TANC1: variants seen among roughly 807,000 people sequenced by gnomAD.
The protein encoded by TANC1 is protein TANC1.
TANC1 carries 77 observed loss-of-function variants against 149.7 expected under a neutral mutation model. That is an observed-to-expected ratio of 0.51 (90% CI 0.43 to 0.62). The LOEUF (loss-of-function observed/expected upper bound fraction) is 0.62. TANC1 is among the 20% of genes least tolerant of loss of function. TANC1 has a pLI of 0.00. For missense variants in TANC1, 1,985 were observed against 2,321.8 expected, an observed-to-expected ratio of 0.85 and a Z score of 2.98; for synonymous variants, 854 against 925.0, an observed-to-expected ratio of 0.92 and a Z score of 1.39.
At chr2:159,073,456 C>T (rs575926274) in intron 3 of TANC1, among the ~76,000 whole-genome samples, 2 of 152,122 alleles carry the variant, frequency 1.3e-5, no homozygotes, top group Non-Finnish European at 2.9e-5. Flanking sequence ...AGATCTCCAG[C>T]AAGGCACCAC....
intron 22 of TANC1, among the ~76,000 whole-genome samples, chr2:159,222,447 C>T (rs2059765749): frequency 6.6e-6 from 1 of 152,132 alleles, no homozygotes; most frequent in South Asian, 2.1e-4. Context: ...GTTTTTTTAC[C>T]CCTTTAGATA....
chr2:159,074,223 A>G (rs2043426434), intron 3 of TANC1, among the ~76,000 whole-genome samples: 1 of 152,220 alleles, frequency 6.6e-6, no homozygotes, highest in African/African-American at 2.4e-5. Context: ...GGGTAAAGGT[A>G]AAACGAGCAA....
chr2:159,217,886 A>T (rs2059451079), intron 20 of TANC1, among the ~76,000 whole-genome samples: 2 of 152,168 alleles, frequency 1.3e-5, no homozygotes, highest in South Asian at 2.1e-4. Context: ...TCAGCTGTGG[A>T]GGGAAGTGGA....
At chr2:159,136,047 T>TGTGTGTGTGTGA in intron 4 of TANC1, 147 bp from the exon 5 acceptor site, 7 of 210,228 alleles carry the variant, frequency 3.3e-5, no homozygotes, top group East Asian at 1.3e-4. Flanking sequence ...TGTGTGTGTG[T>TGTGTGTGTGTGA]GTGCGCGCGC....
intron 7 of TANC1, among the ~76,000 whole-genome samples, chr2:159,155,537 G>T (rs2053335584): frequency 6.6e-6 from 1 of 152,198 alleles, no homozygotes; most frequent in South Asian, 2.1e-4. Context: ...CCCCAGCTGG[G>T]TGTGTCTGCC....
intron 4 of TANC1, among the ~76,000 whole-genome samples, chr2:159,101,819 T>C (rs555529717): frequency 1.4e-3 from 209 of 152,286 alleles, no homozygotes; most frequent in African/African-American, 4.9e-3. Context: ...AATCAAAACA[T>C]CATGAATGAA....
At chr2:159,157,873 A>G (rs1481881025) in intron 7 of TANC1, among the ~76,000 whole-genome samples, 1 of 152,198 alleles carries the variant, frequency 6.6e-6, no homozygotes, top group Non-Finnish European at 1.5e-5. Flanking sequence ...AGCATTCATG[A>G]TGCCTGAGGC....
intron 2 of TANC1, among the ~76,000 whole-genome samples, chr2:159,005,649 TA>T (rs1420151827): frequency 6.6e-6 from 1 of 151,820 alleles, no homozygotes; most frequent in East Asian, 1.9e-4. Flanking sequence ...TTATTAAAAA[TA>T]AATATAATTT....
At chr2:159,177,358 C>T (rs780636240) in intron 13 of TANC1, among the ~76,000 whole-genome samples, 9 of 152,030 alleles carry the variant, frequency 5.9e-5, no homozygotes, top group African/African-American at 1.2e-4. Context: ...GTGTCTTAAC[C>T]ATTGACTCCT....
intron 4 of TANC1, among the ~76,000 whole-genome samples, 153 bp from the exon 5 acceptor site, chr2:159,136,041 T>TGC (rs1267541186): frequency 8.2e-5 from 4 of 48,776 alleles, no homozygotes; most frequent in African/African-American, 2.4e-4. Flanking sequence ...TGTGTGTGTG[T>TGC]GTGTGTGTGC....
At chr2:159,131,225 C>T (rs1028635992) in intron 4 of TANC1, among the ~76,000 whole-genome samples, 33 of 152,106 alleles carry the variant, frequency 2.2e-4, no homozygotes, top group Admixed American at 2.2e-3. Flanking sequence ...TTAGCAGTTA[C>T]AAGTTTAAAA....
intron 2 of TANC1, among the ~76,000 whole-genome samples, chr2:159,058,292 G>A (rs16843640): frequency 0.48 from 72,489 of 152,044 alleles, 17,713 homozygotes; most frequent in Middle Eastern, 0.52. Context: ...AGATCTTACT[G>A]TGTTAAATGT....
intron 1 of TANC1, among the ~76,000 whole-genome samples, chr2:158,976,652 G>A (rs1010322293): frequency 9.2e-5 from 14 of 152,106 alleles, no homozygotes; most frequent in Admixed American, 2.0e-4. Flanking sequence ...AGGCCAAGGC[G>A]GGCAGATCAC....
intron 1 of TANC1, among the ~76,000 whole-genome samples, chr2:158,997,608 G>T (rs1038868547): frequency 2.6e-5 from 4 of 152,152 alleles, no homozygotes; most frequent in African/African-American, 9.7e-5. Context: ...AAGTGCTCAC[G>T]AAACAAAGGA....
chr2:159,036,431 A>C (rs916648008), intron 2 of TANC1, among the ~76,000 whole-genome samples: 1 of 152,180 alleles, frequency 6.6e-6, no homozygotes, highest in Non-Finnish European at 1.5e-5. Context: ...ACATATGTAT[A>C]CATGTGCCAT....
chr2:159,031,269 A>C (rs898834113), intron 2 of TANC1, among the ~76,000 whole-genome samples: 1 of 152,348 alleles, frequency 6.6e-6, no homozygotes, highest in African/African-American at 2.4e-5. Context: ...TTGAGCCAGC[A>C]AGGGGAGTGT....
chr2:159,105,648 G>A lies in TANC1; in HGVS notation c.259+7814G>A, dbSNP rs184928574. Among the ~76,000 whole-genome samples the A allele has an allele frequency of 5.3e-5, 8 of 152,250 alleles. No homozygotes were observed. The East Asian group carries it at 1.2e-3, about 22-fold the overall frequency. ...CGCTCCTGCTTTGTTTCTATAGTAC[G>A]TAACCAACAGTAACACATTTGCCCA... is the stretch of plus-strand genomic sequence containing the variant. On this transcript the variant is annotated intron_variant, in intron 4 of 26. Coordinates refer to ENST00000263635, the MANE Select transcript of TANC1 (RefSeq NM_033394.3).
intron 1 of TANC1, among the ~76,000 whole-genome samples, chr2:158,991,019 G>A (rs1251272786): frequency 6.0e-5 from 9 of 149,856 alleles, no homozygotes; most frequent in Non-Finnish European, 1.0e-4. Flanking sequence ...TTGAGCCAGC[G>A]AGGTGGAGGT....
At chr2:159,004,398 G>C in intron 2 of TANC1, 1 of 1,082,738 alleles carries the variant, frequency 9.2e-7, no homozygotes, top group Non-Finnish European at 1.4e-6. Context: ...TACAGACACA[G>C]AGAACATCAC....
Sources: gnomAD v4.1 joint callset for allele counts (sites outside exome capture counted in the v4.1 genomes callset) on GRCh38, gnomAD v4.1.1 for gene constraint, MANE v1.5 for transcripts, NCBI Gene and HGNC (gene_info 2026-07-23, HGNC 2026-07-21) for gene names.